Variants in SNX29 observed in about 807,000 individuals in gnomAD.
SNX29 encodes sorting nexin-29.
SNX29 carries 78 observed loss-of-function variants against 102.1 expected under a neutral mutation model. The ratio of observed to expected loss-of-function variants is 0.76; its 90% CI spans 0.64 to 0.92. SNX29 has a LOEUF of 0.92. SNX29 is among the 40% of genes least tolerant of loss of function. The pLI is 0.00. For synonymous variants in SNX29, 580 were observed against 414.5 expected (o/e 1.40, Z -4.85); for missense variants, 1,280 against 1,061.7 (o/e 1.21, Z -2.86).
chr16:12,508,159 G>A (rs1234957988), intron 19 of SNX29, among the ~76,000 whole-genome samples: 1 of 152,184 alleles, frequency 6.6e-6, no homozygotes, highest in Non-Finnish European at 1.5e-5. Flanking sequence ...ATTTTGAGTG[G>A]TGCCTGGTGG....
rs62039997 is a variant in SNX29 at position 12,379,823 on chromosome 16, C to T, written c.1900-18623C>T. On this transcript the variant is annotated intron_variant, in intron 16 of 20. Transcript: ENST00000566228. Reference sequence around the variant, plus strand: ...GATTGGCTTCCTAAGTCATCGATCCCGGTGAGTGGGGCCTGCCCAGCAGTG... The same window carrying T: ...GATTGGCTTCCTAAGTCATCGATCCTGGTGAGTGGGGCCTGCCCAGCAGTG... Among the ~76,000 whole-genome samples, 4 of 152,044 alleles carry T rather than the reference C, an allele frequency of 2.6e-5. 1 individual carries two copies. Among genetic ancestry groups the T allele is most frequent in the African/African-American group, 2.4e-5 (1 of 41,394 alleles).
rs1000743360 is a variant in SNX29, at chr16:12,572,193, G to T, written c.*3564G>T. The T allele has an allele frequency of 2.3e-5, 22 of 958,224 alleles. No homozygotes were observed. The highest frequency in any genetic ancestry group is 4.6e-4 in the Middle Eastern group (1 of 2,192). 59.4% of individuals were successfully genotyped at this position (958,224 alleles called of 1,614,324 possible). ...ATGTAATTTCTTAGAACCATGGCAG[G>T]TAGTATTGTGCTTTAAAAACCAGAG... On this transcript the variant is annotated 3_prime_UTR_variant, in exon 21 of 21. Transcript: ENST00000566228.
At chr16:12,347,194 G>A (rs2081838812) in intron 15 of SNX29, among the ~76,000 whole-genome samples, 2 of 151,888 alleles carry the variant, frequency 1.3e-5, no homozygotes, top group Non-Finnish European at 2.9e-5. Context: ...TCTGCTTAGT[G>A]ACTCTGCAGA....
chr16:12,355,967 G>A (rs1036321515), intron 15 of SNX29, among the ~76,000 whole-genome samples, 196 bp from the exon 16 acceptor site: 6 of 151,668 alleles, frequency 4.0e-5, no homozygotes, highest in Non-Finnish European at 7.4e-5. Flanking sequence ...TGAAGTGTCG[G>A]TATGAAGCAG....
chr16:12,129,521 C>T, intron 12 of SNX29, 109 bp from the exon 13 acceptor site: 1 of 1,378,392 alleles, frequency 7.3e-7, no homozygotes, highest in South Asian at 1.7e-5. Context: ...TATGCAGAGC[C>T]TTGTGGAAAA....
intron 19 of SNX29, among the ~76,000 whole-genome samples, chr16:12,486,103 TCTC>T (rs540822091): frequency 2.2e-4 from 33 of 152,256 alleles, no homozygotes; most frequent in African/African-American, 6.0e-4. Flanking sequence ...GGATAATCCT[TCTC>T]CTTGCCTTTT....
intron 14 of SNX29, among the ~76,000 whole-genome samples, chr16:12,253,998 G>A (rs542453702): frequency 6.6e-6 from 1 of 152,282 alleles, no homozygotes; most frequent in South Asian, 2.1e-4. Flanking sequence ...AACACGGGCT[G>A]TGAGGTGTGA....
intron 18 of SNX29, among the ~76,000 whole-genome samples, chr16:12,425,222 A>G (rs1370915678): frequency 6.6e-6 from 1 of 152,220 alleles, no homozygotes; most frequent in African/African-American, 2.4e-5. Flanking sequence ...TTCAGTGCTC[A>G]GGGTGAAAGT....
chr16:12,197,209 T>C (rs2076797930), intron 13 of SNX29, among the ~76,000 whole-genome samples: 1 of 152,226 alleles, frequency 6.6e-6, no homozygotes, highest in South Asian at 2.1e-4. Context: ...GTGACTTGAA[T>C]TCACATGTGA....
intron 8 of SNX29, among the ~76,000 whole-genome samples, chr16:12,053,520 C>T (rs1325568791): frequency 6.6e-6 from 1 of 152,050 alleles, no homozygotes; most frequent in Non-Finnish European, 1.5e-5. Flanking sequence ...CACAGCAAGA[C>T]TCTGTCTCTA....
At chr16:12,175,598 C>A (rs550318366) in intron 13 of SNX29, among the ~76,000 whole-genome samples, 74 of 151,634 alleles carry the variant, frequency 4.9e-4, no homozygotes, top group Middle Eastern at 3.4e-3. Context: ...TTTCAGTGAG[C>A]CGAGATGGTG....
Position 12,155,407 on chromosome 16 carries a change from G to C in SNX29, c.1595+25649G>C, listed in dbSNP as rs543417405. ...AGAGCCACAGAATGTTTCTCTTCTTGAGAGCACGGGGATGAGGTGAGCCAG... is the reference window on the plus strand; with the variant it reads ...AGAGCCACAGAATGTTTCTCTTCTTCAGAGCACGGGGATGAGGTGAGCCAG... On this transcript the variant is annotated intron_variant, in intron 13 of 20. Coordinates refer to ENST00000566228, the MANE Select transcript of SNX29 (RefSeq NM_032167.5). Among the ~76,000 whole-genome samples, 63 of 152,276 alleles carry C rather than the reference G, an allele frequency of 4.1e-4. 1 individual carries two copies. The Middle Eastern group carries it at 0.014, about 33-fold the overall frequency.
At chr16:12,469,053 A>G (rs8047005) in intron 18 of SNX29, among the ~76,000 whole-genome samples, 98,774 of 152,018 alleles carry the variant, frequency 0.65, 33,180 homozygotes, top group African/African-American at 0.82. Flanking sequence ...TTACGGTACC[A>G]CGGTTCCAGG....
intron 4 of SNX29, among the ~76,000 whole-genome samples, chr16:12,038,154 C>T (rs1315757658): frequency 1.3e-5 from 2 of 152,244 alleles, no homozygotes; most frequent in African/African-American, 4.8e-5. Context: ...ACATGTATTC[C>T]TATTTCTCAT....
At chr16:12,436,083 C>G (rs533988316) in intron 18 of SNX29, among the ~76,000 whole-genome samples, 65 of 152,314 alleles carry the variant, frequency 4.3e-4, no homozygotes, top group African/African-American at 1.3e-3. Flanking sequence ...GGGCGCCGCA[C>G]ACACCGTGAG....
intron 13 of SNX29, among the ~76,000 whole-genome samples, chr16:12,137,821 C>G (rs879491046): frequency 6.6e-5 from 10 of 152,202 alleles, no homozygotes; most frequent in Admixed American, 6.5e-4. Flanking sequence ...ATGGGGAATA[C>G]TGGCTTGAAT....
At chr16:12,238,364 G>T (rs1453317081) in intron 14 of SNX29, among the ~76,000 whole-genome samples, 1 of 151,244 alleles carries the variant, frequency 6.6e-6, no homozygotes, top group African/African-American at 2.4e-5. Context: ...TGTACTCTGG[G>T]AGGATCGCTT....
At chr16:12,227,574 A>T (rs2077648866) in intron 14 of SNX29, among the ~76,000 whole-genome samples, 1 of 152,088 alleles carries the variant, frequency 6.6e-6, no homozygotes, top group African/African-American at 2.4e-5. Context: ...TATGGGGGGA[A>T]AGTAAGTTCT....
Position 12,569,217 on chromosome 16 carries a change from G to C in SNX29, c.*588G>C, listed in dbSNP as rs1163265763. On this transcript the variant is annotated 3_prime_UTR_variant, in exon 21 of 21. Transcript: ENST00000566228. ...CACTGTCACAGCTCACTTTTCCAGAGGGATATTCCTGTGGCTTTGGCAAGG... is the reference window on the plus strand; with the variant it reads ...CACTGTCACAGCTCACTTTTCCAGACGGATATTCCTGTGGCTTTGGCAAGG... 4.5e-6 allele frequency: 1 copy of C among 221,922 alleles called. No homozygotes were observed. The highest frequency in any genetic ancestry group is 2.2e-5 in the African/African-American group (1 of 44,520). The allele number at this position is 221,922 out of a possible 1,614,324, so 13.7% of individuals were successfully genotyped here. A position where few individuals can be genotyped will look rare whatever the true frequency, so the allele number is the denominator to read the frequency against.
Sources: allele counts gnomAD v4.1 joint callset (sites outside exome capture counted in the v4.1 genomes callset), GRCh38; gene constraint gnomAD v4.1.1; transcripts MANE v1.5; gene names NCBI Gene and HGNC (gene_info 2026-07-23, HGNC 2026-07-21).